Variants in OTOGL observed in about 807,000 individuals in gnomAD.
OTOGL encodes otogelin-like protein.
Under a neutral mutation model 318.5 loss-of-function variants are expected in OTOGL, and 285 were observed. The observed-to-expected ratio is 0.89, with a 90% confidence interval of 0.81 to 0.99. The LOEUF is 0.99. Among genes scored for constraint, OTOGL ranks in the 50% least tolerant of loss-of-function variants. The pLI is 0.00. For missense variants in OTOGL, 2,899 were observed against 2,845.6 expected (o/e 1.02, Z -0.43); for synonymous variants, 987 against 936.5 (o/e 1.05, Z -0.99).
In OTOGL at chr12:80,353,390, C is replaced by T. The variant is rs762738099; in HGVS notation, c.5473C>T (p.Leu1825=). ...CVRPCEARTC[L]NQWFYGHTSC... ...GCGACCTTGTGAAGCAAGAACATGCCTGAACCAATGGTTCTATGGACACAC... is the reference window on the plus strand; with the variant it reads ...GCGACCTTGTGAAGCAAGAACATGCTTGAACCAATGGTTCTATGGACACAC... Residue 1825 remains leucine (L), a synonymous_variant, in exon 46 of 59, where the codon CTG becomes TTG. Coordinates refer to ENST00000547103, the MANE Select transcript of OTOGL (RefSeq NM_001378609.3). The T allele has an allele frequency of 2.5e-6, 4 of 1,602,978 alleles. No individual in the cohort carries two copies. The Admixed American group carries it at 6.8e-5, about 27-fold the overall frequency.
Position 80,217,670 on chromosome 12 carries a change from T to A in OTOGL, c.235+6T>A. The A allele has an allele frequency of 6.6e-7, 1 of 1,507,634 alleles. No individual in the cohort carries two copies. Among genetic ancestry groups the A allele is most frequent in the Non-Finnish European group, 9.0e-7 (1 of 1,111,552 alleles). The allele number at this position is 1,507,634 out of a possible 1,614,324, so 93.4% of individuals were successfully genotyped here. A position where few individuals can be genotyped will look rare whatever the true frequency, so the allele number is the denominator to read the frequency against. ...GGGTGAGAGCAAAATAAAAGGTCAG[T>A]GTTTATACTTAGGTTTTCATATTTG... On this transcript the variant is annotated splice_donor_region_variant and intron_variant, in intron 5 of 58. Transcript: ENST00000547103.
intron 11 of OTOGL, among the ~76,000 whole-genome samples, chr12:80,249,215 C>T (rs960899620): frequency 2.6e-4 from 39 of 148,904 alleles, no homozygotes; most frequent in African/African-American, 8.7e-4. Flanking sequence ...TGAGGAACTG[C>T]GTTCCTTTGG....
At chr12:80,109,436 A>G (rs972325566) in intron 1 of OTOGL, among the ~76,000 whole-genome samples, 6 of 152,262 alleles carry the variant, frequency 3.9e-5, no homozygotes, top group African/African-American at 1.4e-4. Context: ...TGAAACTCAT[A>G]GTATCTTATT....
Position 80,336,099 on chromosome 12 carries a change from A to G in OTOGL, c.4559A>G (p.Gln1520Arg). The part of the protein sequence containing the change: ...PDCGFRGRPV[Q>R]VNSDICCPEW... ...TGTGGTTTCCGAGGAAGGCCAGTTCAAGTGAACAGTGATATCTGCTGCCCT... is the reference window on the plus strand; with the variant it reads ...TGTGGTTTCCGAGGAAGGCCAGTTCGAGTGAACAGTGATATCTGCTGCCCT... Residue 1520 changes from glutamine (Q) to arginine (R), a missense_variant, in exon 39 of 59, where the codon CAA becomes CGA. By Grantham distance (43) the Gln-to-Arg change is conservative. This residue lies in a region of OTOGL where 2,607 missense variants were observed against 2,524.9 expected (regional missense o/e 1.03). Transcript: ENST00000547103. 4 of 1,598,816 alleles carry G rather than the reference A, an allele frequency of 2.5e-6. No homozygotes were observed. The highest frequency in any genetic ancestry group is 1.1e-5 in the South Asian group (1 of 91,054).
Position 80,380,856 on chromosome 12 carries a change from T to C in OTOGL, c.*2808T>C, listed in dbSNP as rs1261392071. 2.6e-5 allele frequency: 4 copies of C among 152,172 alleles called. No individual in the cohort carries two copies. Among genetic ancestry groups the C allele is most frequent in the Non-Finnish European group, 5.9e-5 (4 of 68,000 alleles). 9.4% of individuals were successfully genotyped at this position (152,172 alleles called of 1,614,324 possible). A position where few individuals can be genotyped will look rare whatever the true frequency, so the allele number is the denominator to read the frequency against. ...GTTTGTAATAGAAAAAAACCAACAA[T>C]AGTTGAATAAACTACGTTAATCCAC... On this transcript the variant is annotated 3_prime_UTR_variant, in exon 59 of 59. Coordinates refer to ENST00000547103, the MANE Select transcript of OTOGL (RefSeq NM_001378609.3).
At chr12:80,153,385 C>T (rs1872912757) in intron 1 of OTOGL, among the ~76,000 whole-genome samples, 1 of 152,190 alleles carries the variant, frequency 6.6e-6, no homozygotes, top group Admixed American at 6.5e-5. Context: ...AAGGCTCCAC[C>T]TCCTGAGACC....
chr12:80,268,961 T>G (rs12366781), intron 22 of OTOGL, among the ~76,000 whole-genome samples: 1 of 151,736 alleles, frequency 6.6e-6, no homozygotes, highest in African/African-American at 2.4e-5. Context: ...TCACTTAATA[T>G]AGTGACTTTG....
intron 35 of OTOGL, among the ~76,000 whole-genome samples, chr12:80,327,541 T>G (rs1039197164): frequency 2.0e-5 from 3 of 151,990 alleles, no homozygotes; most frequent in African/African-American, 7.2e-5. Context: ...ATCTTTTCAG[T>G]GAGTTTAGGA....
intron 1 of OTOGL, among the ~76,000 whole-genome samples, chr12:80,151,796 C>T (rs1406555): frequency 0.53 from 80,337 of 151,984 alleles, 22,260 homozygotes; most frequent in African/African-American, 0.71. Flanking sequence ...TCACTGTGAA[C>T]GTGAATGGCC....
chr12:80,243,217 A>G (rs767056270), intron 11 of OTOGL, among the ~76,000 whole-genome samples: 12 of 152,148 alleles, frequency 7.9e-5, no homozygotes, highest in Non-Finnish European at 1.3e-4. Context: ...AAAGTCATTT[A>G]AATGAAAGAT....
At chr12:80,245,077 G>A (rs1592598776) in intron 11 of OTOGL, among the ~76,000 whole-genome samples, 2 of 131,418 alleles carry the variant, frequency 1.5e-5, no homozygotes, top group East Asian at 2.2e-4. Flanking sequence ...TGTCAGATGA[G>A]TAGGTTGCAA....
At chr12:80,353,604 T>G in intron 46 of OTOGL, 94 bp downstream of exon 46, 4 of 992,320 alleles carry the variant, frequency 4.0e-6, no homozygotes, top group Non-Finnish European at 5.4e-6. Context: ...CAAAGGTTTA[T>G]CAAAGACAGC....
intron 30 of OTOGL, among the ~76,000 whole-genome samples, chr12:80,311,293 C>G (rs10778723): frequency 0.96 from 146,853 of 152,348 alleles, 70,870 homozygotes; most frequent in Middle Eastern, 1. Context: ...CTTGAGGGAA[C>G]TCACTTGTAT....
chr12:80,251,305 C>G (rs1008031285), intron 11 of OTOGL, among the ~76,000 whole-genome samples: 4 of 152,102 alleles, frequency 2.6e-5, no homozygotes, highest in African/African-American at 9.7e-5. Context: ...AGAATTTTAT[C>G]TGTTTTAACA....
intron 57 of OTOGL, among the ~76,000 whole-genome samples, chr12:80,372,266 A>G (rs1440670293): frequency 6.6e-6 from 1 of 152,114 alleles, no homozygotes; most frequent in Non-Finnish European, 1.5e-5. Context: ...TTTTTGTATC[A>G]TATGGTTAAT....
intron 1 of OTOGL, among the ~76,000 whole-genome samples, chr12:80,149,809 C>G (rs1018430279): frequency 1.6e-4 from 25 of 152,086 alleles, no homozygotes; most frequent in African/African-American, 5.8e-4. Flanking sequence ...GCGCAGTATT[C>G]GGGTGGGAGT....
Position 80,310,761 on chromosome 12 carries a change from A to G in OTOGL, c.3450+34A>G, listed in dbSNP as rs374315038. 14 of 1,483,060 alleles carry G rather than the reference A, an allele frequency of 9.4e-6. No individual in the cohort carries two copies. In the African/African-American group the frequency reaches 1.7e-4, roughly 18 times the overall value. The allele number at this position is 1,483,060 out of a possible 1,614,324, so 91.9% of individuals were successfully genotyped here. ...ATACTTTAATGAACTCTCGAGTTTC[A>G]ATATGTTCTACTGTGTCTATAATAC... On this transcript the variant is annotated intron_variant, in intron 30 of 58. Transcript: ENST00000547103.
At chr12:80,186,027 G>A (rs372644200) in intron 1 of OTOGL, among the ~76,000 whole-genome samples, 1 of 141,182 alleles carries the variant, frequency 7.1e-6, no homozygotes, top group East Asian at 2.2e-4. Flanking sequence ...TCAGCACTGG[G>A]CTTTCAGGTA....
At chr12:80,265,447 G>C in intron 20 of OTOGL, 1 of 516,630 alleles carries the variant, frequency 1.9e-6, no homozygotes, top group Non-Finnish European at 3.5e-6. Flanking sequence ...TTGTAACTAT[G>C]TTTTGAAATA....
Sources: gnomAD v4.1 joint callset for allele counts (sites outside exome capture counted in the v4.1 genomes callset) on GRCh38, gnomAD v4.1.1 for gene constraint, gnomAD v4.1.1 regional missense constraint, MANE v1.5 for transcripts, NCBI Gene and HGNC (gene_info 2026-07-23, HGNC 2026-07-21) for gene names.